TRPC7: variants seen among roughly 807,000 people sequenced by gnomAD.
The protein encoded by TRPC7 is short transient receptor potential channel 7.
TRPC7 carries 42 observed loss-of-function variants against 90.1 expected under a neutral mutation model. That is an observed-to-expected ratio of 0.47 (90% CI 0.36 to 0.60). TRPC7 has a LOEUF of 0.60. Ranked by LOEUF, TRPC7 falls within the 20% of genes least tolerant of loss-of-function variation. The pLI is 0.00. For missense variants in TRPC7, 955 were observed against 1,112.3 expected, an observed-to-expected ratio of 0.86 and a Z score of 2.01; for synonymous variants, 451 against 436.3, an observed-to-expected ratio of 1.03 and a Z score of -0.42.
At chr5:136,311,861 A>G (rs1454032265) in intron 3 of TRPC7, among the ~76,000 whole-genome samples, 1 of 152,208 alleles carries the variant, frequency 6.6e-6, no homozygotes, top group Non-Finnish European at 1.5e-5. Context: ...GAAATGTCCT[A>G]AAGTAATGTA....
chr5:136,301,734 C>T (rs966907748), intron 3 of TRPC7, among the ~76,000 whole-genome samples: 3 of 152,202 alleles, frequency 2.0e-5, no homozygotes, highest in Non-Finnish European at 4.4e-5. Flanking sequence ...CCTTCACTGA[C>T]TCTCTTTTCG....
In TRPC7 at chr5:136,365,398, A is replaced by T; in HGVS notation, c.-144T>A. ...AGTATAGAGCTGGTCAAGTGAGTTAAGTTGCAACGATGTGAAAGCGCGCTC... is the reference window on the plus strand; with the variant it reads ...AGTATAGAGCTGGTCAAGTGAGTTATGTTGCAACGATGTGAAAGCGCGCTC... On this transcript the variant is annotated 5_prime_UTR_variant, in exon 1 of 12. Transcript: ENST00000513104. 1.2e-6 allele frequency: 1 copy of T among 840,106 alleles called. No homozygotes were observed. The highest frequency in any genetic ancestry group is 1.9e-6 in the Non-Finnish European group (1 of 528,128). The allele number at this position is 840,106 out of a possible 1,614,324, so 52.0% of individuals were successfully genotyped here. A position where few individuals can be genotyped will look rare whatever the true frequency, so the allele number is the denominator to read the frequency against.
intron 10 of TRPC7, among the ~76,000 whole-genome samples, chr5:136,224,990 T>C (rs1212234164): frequency 6.6e-6 from 1 of 152,220 alleles, no homozygotes; most frequent in Non-Finnish European, 1.5e-5. Context: ...TTGCTTTTTG[T>C]CACTATTACC....
rs572033647 is a variant in TRPC7, at chr5:136,233,547, C to T, written c.1845-1998G>A. 3.4e-4 allele frequency among the ~76,000 whole-genome samples: 52 copies of T among 152,280 alleles called. No individual in the cohort carries two copies. In the South Asian group the frequency reaches 8.7e-3, roughly 25 times the overall value. ...TCCAAACTGGAAGGAGACAGTAGGCCGTGATCTCTCTTAGAGTTGCTCCCT... is the reference window on the plus strand; with the variant it reads ...TCCAAACTGGAAGGAGACAGTAGGCTGTGATCTCTCTTAGAGTTGCTCCCT... On this transcript the variant is annotated intron_variant, in intron 7 of 11. Coordinates refer to ENST00000513104, the MANE Select transcript of TRPC7 (RefSeq NM_020389.3).
intron 3 of TRPC7, among the ~76,000 whole-genome samples, chr5:136,287,934 C>A (rs1479651343): frequency 6.6e-6 from 1 of 152,038 alleles, no homozygotes. Context: ...GACCAAAGTT[C>A]CTTCCAATCT....
intron 3 of TRPC7, among the ~76,000 whole-genome samples, chr5:136,288,171 C>A (rs1757794814): frequency 6.6e-6 from 1 of 152,012 alleles, no homozygotes; most frequent in South Asian, 2.1e-4. Context: ...GGTCACACAG[C>A]CAGGATGTGA....
At chr5:136,273,574 A>C (rs1040114262) in intron 4 of TRPC7, among the ~76,000 whole-genome samples, 3 of 152,126 alleles carry the variant, frequency 2.0e-5, no homozygotes, top group African/African-American at 4.8e-5. Context: ...AGGTGGCCTC[A>C]CCAGCAGCCC....
At chr5:136,239,264 G>A (rs1183927820) in intron 7 of TRPC7, among the ~76,000 whole-genome samples, 1 of 152,226 alleles carries the variant, frequency 6.6e-6, no homozygotes, top group African/African-American at 2.4e-5. Flanking sequence ...TGAGGTTACA[G>A]GCGTGGGCCA....
chr5:136,322,159 C>A (rs531936751), intron 2 of TRPC7, among the ~76,000 whole-genome samples: 1 of 152,052 alleles, frequency 6.6e-6, no homozygotes, highest in East Asian at 1.9e-4. Context: ...GAATTACAGG[C>A]ACCTGCCACC....
Position 136,266,214 on chromosome 5 carries a change from G to C in TRPC7, c.1345+6C>G, listed in dbSNP as rs369115618. The C allele has an allele frequency of 6.2e-6, 10 of 1,609,612 alleles. No individual in the cohort carries two copies. In the African/African-American group the frequency reaches 1.3e-4, roughly 22 times the overall value. ...GGAGAGAATAAAAATAGAGTGACTTGCTTACCTAAGACCCACTTCATAATG... is the reference window on the plus strand; with the variant it reads ...GGAGAGAATAAAAATAGAGTGACTTCCTTACCTAAGACCCACTTCATAATG... On this transcript the variant is annotated splice_donor_region_variant and intron_variant, in intron 5 of 11. Transcript: ENST00000513104.
intron 2 of TRPC7, among the ~76,000 whole-genome samples, chr5:136,318,248 G>A (rs757986480): frequency 2.0e-5 from 3 of 152,186 alleles, no homozygotes; most frequent in South Asian, 2.1e-4. Flanking sequence ...GGAAGGAGAT[G>A]ACATACACCC....
intron 3 of TRPC7, among the ~76,000 whole-genome samples, chr5:136,280,485 A>AT (rs1757514796): frequency 6.6e-6 from 1 of 152,142 alleles, no homozygotes; most frequent in African/African-American, 2.4e-5. Flanking sequence ...ATCCCCTAAG[A>AT]TTTTCTCCAT....
intron 4 of TRPC7, among the ~76,000 whole-genome samples, chr5:136,269,415 T>C (rs1435379756): frequency 6.6e-6 from 1 of 152,208 alleles, no homozygotes; most frequent in Non-Finnish European, 1.5e-5. Flanking sequence ...CAACTCTGTG[T>C]TCCATGCCAC....
intron 1 of TRPC7, among the ~76,000 whole-genome samples, chr5:136,361,003 G>A (rs1054855443): frequency 3.3e-5 from 5 of 152,100 alleles, no homozygotes; most frequent in African/African-American, 1.2e-4. Context: ...TATCACACGG[G>A]TTGGAAAGAA....
At chr5:136,304,122 C>T (rs887332928) in intron 3 of TRPC7, among the ~76,000 whole-genome samples, 4 of 152,054 alleles carry the variant, frequency 2.6e-5, no homozygotes, top group Non-Finnish European at 4.4e-5. Flanking sequence ...TCCTGGACTA[C>T]AGCTGCATCT....
rs535549438 is a variant in TRPC7 at position 136,231,211 on chromosome 5, A to G, written c.2040+143T>C. 1.1e-3 allele frequency: 821 copies of G among 764,614 alleles called. 13 individuals are homozygous for G. The South Asian group carries it at 0.019, about 18-fold the overall frequency. The allele number at this position is 764,614 out of a possible 1,614,324, so 47.4% of individuals were successfully genotyped here. A position where few individuals can be genotyped will look rare whatever the true frequency, so the allele number is the denominator to read the frequency against. On this transcript the variant is annotated intron_variant, in intron 8 of 11. Transcript: ENST00000513104. ...TTTGACTGCTTCTATTTCTAGAAGC[A>G]ATCCAGGAAGAATGCCTGTTCTTTG...
chr5:136,328,386 C>T (rs536337426), intron 2 of TRPC7, among the ~76,000 whole-genome samples: 8 of 152,286 alleles, frequency 5.3e-5, no homozygotes, highest in African/African-American at 1.9e-4. Context: ...TTATTAATCC[C>T]AAACATACTC....
At position 136,254,524 on chromosome 5, in the gene TRPC7, C is replaced by T. The variant is rs112684822; in HGVS notation, c.1346-2642G>A. 8.1e-3 allele frequency among the ~76,000 whole-genome samples: 1,228 copies of T among 152,270 alleles called. 15 individuals are homozygous for T. Among genetic ancestry groups the T allele is most frequent in the African/African-American group, 0.021 (865 of 41,530 alleles). On this transcript the variant is annotated intron_variant, in intron 5 of 11. Transcript: ENST00000513104. ...GCGTATCTGTTTACAGCATGGTATA[C>T]TGAATATTTTAAGCCCACTGTTGAG...
chr5:136,228,718 AGT>A (rs1430657597), intron 8 of TRPC7, among the ~76,000 whole-genome samples: 3 of 152,130 alleles, frequency 2.0e-5, no homozygotes, highest in Non-Finnish European at 1.5e-5. Context: ...CCAATAAATT[AGT>A]GTCCTCATGG....
Sources: gnomAD v4.1 joint callset for allele counts (sites outside exome capture counted in the v4.1 genomes callset) on GRCh38, gnomAD v4.1.1 for gene constraint, MANE v1.5 for transcripts, NCBI Gene and HGNC (gene_info 2026-07-23, HGNC 2026-07-21) for gene names.